Variants in MKLN1 observed in about 807,000 individuals in gnomAD.
MKLN1 encodes the protein muskelin.
In MKLN1, 18 loss-of-function variants were observed where a neutral mutation model predicts 99.0. The observed-to-expected ratio is 0.18, with a 90% CI of 0.13 to 0.27. The LOEUF is 0.27. Ranked by LOEUF, MKLN1 falls within the 10% of genes least tolerant of loss-of-function variation. The pLI is 1.00. For missense variants in MKLN1, 621 were observed against 875.9 expected, an observed-to-expected ratio of 0.71 and a Z score of 3.67; for synonymous variants, 288 against 293.2, an observed-to-expected ratio of 0.98 and a Z score of 0.18.
chr7:131,132,951 GAAAGAA>G (rs1165436876), intron 1 of MKLN1, among the ~76,000 whole-genome samples: 1 of 58,530 alleles, frequency 1.7e-5, no homozygotes, highest in Non-Finnish European at 3.4e-5. Context: ...AAAAAAAAAA[GAAAGAA>G]AGAAAGAAAG....
At position 131,296,143 on chromosome 7, in the gene MKLN1, T is replaced by C. The variant is rs140922967; in HGVS notation, c.-178-79281T>C. ...CATATATTTTGATCCAGCAATTTCA[T>C]TGAAAGGAATTTATCCTACAGAGAG... On this transcript the variant is annotated intron_variant, in intron 3 of 7. Coordinates refer to the MKLN1 transcript ENST00000416992. Among the ~76,000 whole-genome samples, 116 of 152,298 alleles carry C rather than the reference T, an allele frequency of 7.6e-4. 1 individual carries two copies. Among genetic ancestry groups the C allele is most frequent in the African/African-American group, 2.7e-3 (112 of 41,570 alleles).
rs562750499 is a variant in MKLN1, at chr7:131,202,264, A to G, written c.-296-593A>G. Among the ~76,000 whole-genome samples, 53 of 143,614 alleles carry G rather than the reference A, an allele frequency of 3.7e-4. 1 individual carries two copies. Among genetic ancestry groups the G allele is most frequent in the Middle Eastern group, 7.6e-3 (2 of 262 alleles). 94.2% of individuals were successfully genotyped at this position (143,614 alleles called of 152,430 possible). On this transcript the variant is annotated intron_variant, in intron 2 of 7. Transcript: ENST00000416992. ...AACCTCTGCCTCCCGAGTTCAAGCG[A>G]TTCACCATGCCCGGCTAATTTTTTG...
At position 131,226,375 on chromosome 7, in the gene MKLN1, C is replaced by T. The variant is rs111950769; in HGVS notation, c.-179+23401C>T. 7.2e-5 allele frequency among the ~76,000 whole-genome samples: 11 copies of T among 152,314 alleles called. No individual in the cohort carries two copies. In the East Asian group the frequency reaches 1.9e-3, roughly 27 times the overall value. ...TGCTAGGAAATTCATTTTGCTCCTCCCTAACCAAGGAACTGAGAAACGCCA... is the reference window on the plus strand; with the variant it reads ...TGCTAGGAAATTCATTTTGCTCCTCTCTAACCAAGGAACTGAGAAACGCCA... On this transcript the variant is annotated intron_variant, in intron 3 of 7. Coordinates refer to the MKLN1 transcript ENST00000416992.
At chr7:131,151,014 T>C (rs1795881186) in intron 2 of MKLN1, among the ~76,000 whole-genome samples, 6 of 152,224 alleles carry the variant, frequency 3.9e-5, no homozygotes, top group Admixed American at 3.3e-4. Context: ...GAATAACTTT[T>C]TCATAATTGA....
At chr7:131,142,745 A>G (rs1026153976) in intron 1 of MKLN1, 2 of 392,170 alleles carry the variant, frequency 5.1e-6, no homozygotes, top group African/African-American at 4.3e-5. Flanking sequence ...AAAAGAAAAC[A>G]AAAAAGGAAT....
chr7:131,398,577 T>C (rs1168061810), intron 5 of MKLN1, among the ~76,000 whole-genome samples: 1 of 151,856 alleles, frequency 6.6e-6, no homozygotes. Flanking sequence ...GCCTGTAAGC[T>C]CAGCTACTTA....
chr7:131,398,702 GA>G (rs371039357), intron 5 of MKLN1, among the ~76,000 whole-genome samples: 11,179 of 139,788 alleles, frequency 0.08, 531 homozygotes, highest in South Asian at 0.16. Flanking sequence ...AAAAAAGAAA[GA>G]AAAAAAAAAA....
chr7:131,137,716 G>A (rs1267605539), intron 1 of MKLN1, among the ~76,000 whole-genome samples: 3 of 149,840 alleles, frequency 2.0e-5, no homozygotes, highest in African/African-American at 7.4e-5. Context: ...CTGGGATTAC[G>A]TGCATGCGCC....
intron 4 of MKLN1, among the ~76,000 whole-genome samples, chr7:131,393,601 T>C (rs1327170542): frequency 6.6e-6 from 1 of 151,756 alleles, no homozygotes; most frequent in African/African-American, 2.4e-5. Flanking sequence ...ACTGCAAGTG[T>C]TTTAAAAGGT....
intron 8 of MKLN1, among the ~76,000 whole-genome samples, chr7:131,415,400 C>T (rs928568638): frequency 6.6e-6 from 1 of 151,876 alleles, no homozygotes; most frequent in Admixed American, 6.6e-5. Context: ...CATAGTGCTT[C>T]GGGAATAAAA....
chr7:131,186,752 T>A (rs1796456250), intron 2 of MKLN1, among the ~76,000 whole-genome samples: 1 of 152,232 alleles, frequency 6.6e-6, no homozygotes, highest in South Asian at 2.1e-4. Flanking sequence ...AGGATGTAAC[T>A]GTGCCTGGCC....
Position 131,437,789 on chromosome 7 carries a change from G to A in MKLN1, c.965G>A (p.Gly322Asp). The A allele has an allele frequency of 1.2e-6, 2 of 1,608,946 alleles. No individual in the cohort carries two copies. Among genetic ancestry groups the A allele is most frequent in the Non-Finnish European group, 1.7e-6 (2 of 1,175,916 alleles). ...CISRDTEKEN[G>D]PSARSCHKMC... ...ATTTTCTCTCTCTCTCTACAGAATG[G>A]TCCTAGTGCCAGATCGTGTCATAAA... is the stretch of plus-strand genomic sequence containing the variant. Residue 322 changes from glycine (G) to aspartate (D), a missense_variant, in exon 10 of 18, where the codon GGT (glycine) becomes GAT (aspartate). Physicochemically the swap from Gly to Asp is moderately conservative, Grantham distance 94. This residue lies in a region of MKLN1 where 361 missense variants were observed against 540.8 expected (regional missense o/e 0.67). Coordinates refer to ENST00000352689, the MANE Select transcript of MKLN1 (RefSeq NM_013255.5).
chr7:131,221,100 A>G (rs1404961699), intron 3 of MKLN1, among the ~76,000 whole-genome samples: 6 of 152,040 alleles, frequency 3.9e-5, no homozygotes, highest in Non-Finnish European at 7.4e-5. Flanking sequence ...TGCTTTTCCT[A>G]CCTTTCTCAA....
intron 11 of MKLN1, among the ~76,000 whole-genome samples, chr7:131,444,411 C>G (rs1329850459): frequency 6.6e-6 from 1 of 151,948 alleles, no homozygotes; most frequent in East Asian, 2.0e-4. Flanking sequence ...GCCACTGTAC[C>G]TGGCCACTTT....
chr7:131,495,065 T>C lies in MKLN1; in HGVS notation c.*7337T>C, dbSNP rs1421103398. 1 of 152,210 alleles carries C rather than the reference T, an allele frequency of 6.6e-6. No homozygotes were observed. The highest frequency in any genetic ancestry group is 1.9e-4 in the East Asian group (1 of 5,202). The allele number at this position is 152,210 out of a possible 1,614,324, so 9.4% of individuals were successfully genotyped here. A position where few individuals can be genotyped will look rare whatever the true frequency, so the allele number is the denominator to read the frequency against. On this transcript the variant is annotated 3_prime_UTR_variant, in exon 18 of 18. Coordinates refer to ENST00000352689, the MANE Select transcript of MKLN1 (RefSeq NM_013255.5). ...AAGATGAGGACCTCCTTTTCTTGTG[T>C]TGGTCTTGGGAACAAACAGTATTCC... is the stretch of plus-strand genomic sequence containing the variant.
intron 3 of MKLN1, among the ~76,000 whole-genome samples, chr7:131,302,666 TG>T (rs1479412518): frequency 6.6e-6 from 1 of 152,236 alleles, no homozygotes; most frequent in African/African-American, 2.4e-5. Context: ...TCTATGCAGC[TG>T]GCAGTGTTTG....
intron 3 of MKLN1, among the ~76,000 whole-genome samples, chr7:131,271,068 A>G (rs1303619094): frequency 6.6e-6 from 1 of 152,196 alleles, no homozygotes; most frequent in Non-Finnish European, 1.5e-5. Flanking sequence ...AAAATATAAG[A>G]TTCGTGATCG....
At chr7:131,190,562 ATTTT>A (rs536008630) in intron 2 of MKLN1, among the ~76,000 whole-genome samples, 1 of 150,892 alleles carries the variant, frequency 6.6e-6, no homozygotes, top group Admixed American at 6.6e-5. Flanking sequence ...TATAGAGACT[ATTTT>A]TTTTTCTTTT....
At chr7:131,370,767 A>G (rs574062907) in intron 1 of MKLN1, among the ~76,000 whole-genome samples, 1 of 152,270 alleles carries the variant, frequency 6.6e-6, no homozygotes, top group African/African-American at 2.4e-5. Context: ...TGTCACAGCA[A>G]TACTTATGCA....
Sources: gnomAD v4.1 joint callset for allele counts (sites outside exome capture counted in the v4.1 genomes callset) on GRCh38, gnomAD v4.1.1 for gene constraint, gnomAD v4.1.1 regional missense constraint, MANE v1.5 for transcripts, NCBI Gene and HGNC (gene_info 2026-07-23, HGNC 2026-07-21) for gene names.